The following STK40 variants were observed in gnomAD, a reference collection of about 807,000 sequenced individuals.
STK40 encodes serine/threonine-protein kinase 40.
A neutral mutation model predicts 47.9 loss-of-function variants in STK40; 13 were observed. That is an observed-to-expected ratio of 0.27 (90% CI 0.18 to 0.43). The LOEUF is 0.43. Ranked by LOEUF, STK40 falls within the 20% of genes least tolerant of loss-of-function variation. STK40 has a pLI of 1.00. For synonymous variants in STK40, 225 were observed against 243.2 expected (o/e 0.93, Z 0.69); for missense variants, 460 against 595.1 (o/e 0.77, Z 2.36).
intron 1 of STK40, 104 bp from the exon 2 acceptor site, chr1:36,361,444 G>A (rs934948365): frequency 4.4e-5 from 67 of 1,536,210 alleles, no homozygotes; most frequent in Middle Eastern, 1.7e-4. Flanking sequence ...CACAGCTGCC[G>A]CTGCTGCCTC....
chr1:36,361,137 T>G, intron 2 of STK40, 84 bp downstream of exon 2: 1 of 1,530,746 alleles, frequency 6.5e-7, no homozygotes, highest in Non-Finnish European at 8.9e-7. Context: ...CTCACTCTGA[T>G]GTCTGTAGGT....
intron 5 of STK40, 128 bp from the exon 6 acceptor site, chr1:36,354,544 C>G (rs1646785597): frequency 1.1e-6 from 1 of 924,108 alleles, no homozygotes; most frequent in Admixed American, 1.8e-5. Context: ...TCTCTTTAGG[C>G]TCCAAGCACA....
At position 36,341,931 on chromosome 1, in the gene STK40, A is replaced by G; in HGVS notation, c.1132T>C (p.Tyr378His). The G allele has an allele frequency of 6.2e-7, 1 of 1,614,032 alleles. No individual in the cohort carries two copies. The highest frequency in any genetic ancestry group is 2.2e-5 in the East Asian group (1 of 44,878). ...EECSQYEFEN[Y>H]MRQQLLLAEE... ...GCCAGCAGCAGCTGCTGACGCATGT[A>G]GTTCTCAAACTCGTACTGGGAGCAC... is the stretch of plus-strand genomic sequence containing the variant. The change falls in exon 11 of 11, where the codon TAC becomes CAC. Residue 378 changes from tyrosine (Y) to histidine (H), a missense_variant. Transcript: ENST00000373132.
Position 36,354,371 on chromosome 1 carries a change from T to G in STK40, c.616A>C (p.Asn206His). 5 of 1,614,094 alleles carry G rather than the reference T, an allele frequency of 3.1e-6. No homozygotes were observed. Among genetic ancestry groups the G allele is most frequent in the Non-Finnish European group, 4.2e-6 (5 of 1,179,954 alleles). Reference sequence around the variant, plus strand: ...TAGAGACAGGGATCTTACCTCTTGTTGAGCACCATGTTCCCCAGCTTCAGG... The same window carrying G: ...TAGAGACAGGGATCTTACCTCTTGTGGAGCACCATGTTCCCCAGCTTCAGG... ...RDLKLGNMVLNKRTHRITITN... is the reference protein window; with the variant it reads ...RDLKLGNMVLHKRTHRITITN... Residue 206 changes from asparagine to histidine, a missense_variant, in exon 6 of 11, where the codon AAC becomes CAC. Asn to His is a moderately conservative substitution (Grantham distance 68). Around this residue, in one of 3 missense-constraint regions of STK40, gnomAD observed 277 missense variants for 358.7 expected, o/e 0.77. Transcript: ENST00000373132.
At chr1:36,347,718 T>G (rs2124727685) in intron 7 of STK40, among the ~76,000 whole-genome samples, 1 of 150,726 alleles carries the variant, frequency 6.6e-6, no homozygotes, top group East Asian at 2.0e-4. Flanking sequence ...AGTGGCACAA[T>G]CTCGGCTCAC....
intron 1 of STK40, among the ~76,000 whole-genome samples, chr1:36,377,261 C>T (rs1011026453): frequency 7.3e-5 from 11 of 151,680 alleles, no homozygotes; most frequent in African/African-American, 2.7e-4. Context: ...TGGAGCCAGG[C>T]GTGGTGGCTC....
rs759139567 is a variant in STK40 at position 36,355,261 on chromosome 1, C to G, written c.515G>C (p.Arg172Thr). 6.2e-7 allele frequency: 1 copy of G among 1,614,120 alleles called. No individual in the cohort carries two copies. Among genetic ancestry groups the G allele is most frequent in the Admixed American group, 1.7e-5 (1 of 60,006 alleles). Residue 172 changes from arginine to threonine, a missense_variant, in exon 5 of 11, where the codon AGG becomes ACG. Around this residue, in one of 3 missense-constraint regions of STK40, gnomAD observed 277 missense variants for 358.7 expected, o/e 0.77. Transcript: ENST00000373132. ...GTCGTAGAAGATTACCACAGTCTCC[C>G]TCTCGCTGAGCCTCTTCTCCTTGAT... ...YVIKEKRLSE[R>T]ETVVIFYDVV... is the part of the protein sequence containing the mutation.
chr1:36,353,842 G>A (rs937691955), intron 6 of STK40, among the ~76,000 whole-genome samples: 7 of 152,140 alleles, frequency 4.6e-5, no homozygotes, highest in African/African-American at 7.2e-5. Context: ...CCTTCTGCAC[G>A]TAAACCTCAG....
chr1:36,353,020 C>G (rs1227176190), intron 6 of STK40, among the ~76,000 whole-genome samples: 1 of 152,242 alleles, frequency 6.6e-6, no homozygotes, highest in Non-Finnish European at 1.5e-5. Flanking sequence ...AATGCCCCCT[C>G]CCCGGAGGCC....
At chr1:36,378,043 G>A (rs998682925) in intron 1 of STK40, among the ~76,000 whole-genome samples, 4 of 152,256 alleles carry the variant, frequency 2.6e-5, no homozygotes, top group Non-Finnish European at 5.9e-5. Flanking sequence ...TTCAGGTTCT[G>A]AAGCCACATC....
chr1:36,351,797 G>A (rs1646761487), intron 6 of STK40, among the ~76,000 whole-genome samples: 1 of 152,198 alleles, frequency 6.6e-6, no homozygotes, highest in Non-Finnish European at 1.5e-5. Context: ...GACACAAAGG[G>A]CCAGGAGTGC....
In STK40 at chr1:36,341,683, A is replaced by T. The variant is rs552355857; in HGVS notation, c.*72T>A. On this transcript the variant is annotated 3_prime_UTR_variant, in exon 11 of 11. Transcript: ENST00000373132. Reference sequence around the variant, plus strand: ...GGGAGAGTCCAGCACTACAGGGCCCAGCCCTGACAGCCACGCCTTTGGCTG... The same window carrying T: ...GGGAGAGTCCAGCACTACAGGGCCCTGCCCTGACAGCCACGCCTTTGGCTG... The T allele has an allele frequency of 1.9e-6, 3 of 1,569,362 alleles. No individual in the cohort carries two copies. The South Asian group carries it at 3.5e-5, about 18-fold the overall frequency.
At chr1:36,354,047 G>C (rs1486608833) in intron 6 of STK40, among the ~76,000 whole-genome samples, 1 of 152,104 alleles carries the variant, frequency 6.6e-6, no homozygotes, top group Non-Finnish European at 1.5e-5. Flanking sequence ...TTACAGGCGG[G>C]AGCCACCGCA....
chr1:36,384,559 T>C (rs1156247095), intron 1 of STK40, among the ~76,000 whole-genome samples: 1 of 152,226 alleles, frequency 6.6e-6, no homozygotes, highest in Non-Finnish European at 1.5e-5. Flanking sequence ...GACTAAGCAA[T>C]GTGCCCAGGT....
intron 1 of STK40, among the ~76,000 whole-genome samples, chr1:36,373,897 AC>A (rs1297066970): frequency 2.6e-5 from 4 of 152,190 alleles, no homozygotes; most frequent in East Asian, 3.9e-4. Flanking sequence ...GGATGACCCC[AC>A]CCCCTGAGGC....
At position 36,341,744 on chromosome 1, in the gene STK40, G is replaced by A. The variant is rs201189210; in HGVS notation, c.*11C>T. 972 of 1,609,058 alleles carry A rather than the reference G, an allele frequency of 6.0e-4. 3 individuals carry two copies. The highest frequency in any genetic ancestry group is 7.4e-4 in the Non-Finnish European group (870 of 1,177,784). ...AAGTGGCAGCAGTGCTGGTGGCCCC[G>A]GCTGAGGCTGTTATTTCCGCAGGTA... On this transcript the variant is annotated 3_prime_UTR_variant, in exon 11 of 11. Coordinates refer to ENST00000373132, the MANE Select transcript of STK40 (RefSeq NM_001282547.2).
intron 1 of STK40, among the ~76,000 whole-genome samples, chr1:36,374,970 G>A (rs1646979472): frequency 6.6e-6 from 1 of 152,222 alleles, no homozygotes; most frequent in Non-Finnish European, 1.5e-5. Context: ...GTCCCATGTG[G>A]AGTTCAAGTT....
intron 6 of STK40, among the ~76,000 whole-genome samples, chr1:36,351,291 C>A (rs571812856): frequency 6.6e-6 from 1 of 152,272 alleles, no homozygotes; most frequent in East Asian, 1.9e-4. Flanking sequence ...AACACCTCCC[C>A]CTGTCTGCTC....
rs765409517 is a variant in STK40, at chr1:36,348,701, G to A, written c.738C>T (p.Ser246=). The part of the protein sequence containing the change: ...SPAYISPDVL[S]GRPYRGKPSD... ...CCAATGTCTGGCACACACACGTACC[G>A]CTGAGCACGTCGGGACTGATGTAGG... The change falls in exon 7 of 11, where the codon AGC becomes AGT. Residue 246 remains serine (S), a splice_region_variant and synonymous_variant. Transcript: ENST00000373132. The A allele has an allele frequency of 2.5e-5, 40 of 1,603,534 alleles. 1 individual carries two copies. The South Asian group carries it at 2.6e-4, about 10-fold the overall frequency.
Sources: gnomAD v4.1 joint callset for allele counts (sites outside exome capture counted in the v4.1 genomes callset) on GRCh38, gnomAD v4.1.1 for gene constraint, gnomAD v4.1.1 regional missense constraint, MANE v1.5 for transcripts, NCBI Gene and HGNC (gene_info 2026-07-23, HGNC 2026-07-21) for gene names.